KIF3B: variants seen among roughly 807,000 people sequenced by gnomAD.
KIF3B encodes kinesin-like protein KIF3B.
KIF3B carries 38 observed loss-of-function variants against 74.3 expected under a neutral mutation model. The ratio of observed to expected loss-of-function variants is 0.51; its 90% CI spans 0.39 to 0.67. The LOEUF (loss-of-function observed/expected upper bound fraction) is 0.67, where lower values mean the gene tolerates loss of function less well. KIF3B is among the 30% of genes least tolerant of loss of function. The pLI, the probability that KIF3B is intolerant of heterozygous loss-of-function variation, is 0.00. For synonymous variants in KIF3B, 326 were observed against 342.5 expected, an observed-to-expected ratio of 0.95 and a Z score of 0.53; for missense variants, 649 against 932.0, an observed-to-expected ratio of 0.70 and a Z score of 3.95.
chr20:32,325,556 T>TA (rs1218677749), intron 5 of KIF3B, among the ~76,000 whole-genome samples: 2 of 149,892 alleles, frequency 1.3e-5, no homozygotes, highest in African/African-American at 4.9e-5. Flanking sequence ...ATATGTGTTA[T>TA]AAAAAATAGT....
chr20:32,301,903 G>A (rs1011100944), intron 1 of KIF3B, among the ~76,000 whole-genome samples: 7 of 152,178 alleles, frequency 4.6e-5, no homozygotes, highest in South Asian at 4.1e-4. Context: ...TGTGACTGCC[G>A]TGACAAATGT....
intron 5 of KIF3B, among the ~76,000 whole-genome samples, chr20:32,323,048 A>ATATATT (rs1180124014): frequency 2.2e-5 from 2 of 92,870 alleles, no homozygotes; most frequent in African/African-American, 5.3e-5. Flanking sequence ...TTATATTTAT[A>ATATATT]TATATTTATA....
rs2047942708 is a variant in KIF3B at position 32,333,764 on chromosome 20, TAAGAG to T, written c.*2450_*2454del. The T allele has an allele frequency of 6.6e-6, 1 of 152,178 alleles. No homozygotes were observed. The highest frequency in any genetic ancestry group is 1.5e-5 in the Non-Finnish European group (1 of 68,052). 9.4% of individuals were successfully genotyped at this position (152,178 alleles called of 1,614,324 possible). A position where few individuals can be genotyped will look rare whatever the true frequency, so the allele number is the denominator to read the frequency against. On this transcript the variant is annotated 3_prime_UTR_variant, in exon 9 of 9. Coordinates refer to ENST00000375712, the MANE Select transcript of KIF3B (RefSeq NM_004798.4). ...GGTTAAGTGACACATAGAACTTTTC[TAAGAG>T]AAGACAGACAAGTTGACAGGCATGC...
In KIF3B at chr20:32,330,165, C is replaced by A. The variant is rs746753520; in HGVS notation, c.1993C>A (p.Leu665Met). 4.3e-6 allele frequency: 7 copies of A among 1,613,564 alleles called. No homozygotes were observed. The highest frequency in any genetic ancestry group is 5.1e-6 in the Non-Finnish European group (6 of 1,179,840). Residue 665 changes from leucine to methionine, a missense_variant, in exon 8 of 9, where the codon CTG (leucine) becomes ATG (methionine). Physicochemically the swap from Leu to Met is conservative, Grantham distance 15 (BLOSUM62 2). Around this residue, in one of 4 missense-constraint regions of KIF3B, gnomAD observed 186 missense variants for 198.5 expected, o/e 0.94. Transcript: ENST00000375712. The part of the protein sequence containing the change: ...YRAENIVLLE[L>M]DMPSRTTRDY... Reference sequence around the variant, plus strand: ...GGCAGAAAACATTGTGCTGTTAGAGCTGGACATGCCCAGCCGGACCACCAG... The same window carrying A: ...GGCAGAAAACATTGTGCTGTTAGAGATGGACATGCCCAGCCGGACCACCAG...
At chr20:32,300,666 G>A (rs1018594078) in intron 1 of KIF3B, among the ~76,000 whole-genome samples, 3 of 152,138 alleles carry the variant, frequency 2.0e-5, no homozygotes, top group East Asian at 1.9e-4. Context: ...CTCCCACCTC[G>A]GCCTCGCAGA....
chr20:32,283,665 T>G (rs187913558), intron 1 of KIF3B, among the ~76,000 whole-genome samples: 1 of 149,268 alleles, frequency 6.7e-6, no homozygotes, highest in Admixed American at 6.7e-5. Context: ...CAAAAATTAG[T>G]CGGGTGTGGT....
intron 5 of KIF3B, among the ~76,000 whole-genome samples, chr20:32,323,138 A>ATTTTTATATATT (rs1569208711): frequency 1.1e-5 from 1 of 93,500 alleles, no homozygotes; most frequent in Non-Finnish European, 1.9e-5. Context: ...ATATATTTAC[A>ATTTTTATATATT]TATATTTATA....
At chr20:32,298,398 C>T (rs1432137342) in intron 1 of KIF3B, among the ~76,000 whole-genome samples, 6 of 152,186 alleles carry the variant, frequency 3.9e-5, no homozygotes. Flanking sequence ...CCACTGCACT[C>T]CAGCCTGGGT....
In KIF3B at chr20:32,277,658, C is replaced by G; in HGVS notation, c.-173C>G. On this transcript the variant is annotated 5_prime_UTR_variant, in exon 1 of 9. Transcript: ENST00000375712. ...CTAAGGAAGTGAGCGGCCACTGTCT[C>G]TCCCCATCCGGGGCAGCGGGGAATG... is the stretch of plus-strand genomic sequence containing the variant. 4.3e-6 allele frequency: 1 copy of G among 232,412 alleles called. No individual in the cohort carries two copies. Among genetic ancestry groups the G allele is most frequent in the Non-Finnish European group, 8.0e-6 (1 of 124,320 alleles). 14.4% of individuals were successfully genotyped at this position (232,412 alleles called of 1,614,324 possible). A position where few individuals can be genotyped will look rare whatever the true frequency, so the allele number is the denominator to read the frequency against.
rs1221879114 is a variant in KIF3B, at chr20:32,334,868, A to T, written c.*3549A>T. ...TGACCTTCTCTTTGGCTACCTTTAG[A>T]CAAAGAATACGCCAATCAATACTTG... On this transcript the variant is annotated 3_prime_UTR_variant, in exon 9 of 9. Transcript: ENST00000375712. 6.6e-6 allele frequency: 1 copy of T among 152,566 alleles called. No homozygotes were observed. Among genetic ancestry groups the T allele is most frequent in the Non-Finnish European group, 1.5e-5 (1 of 68,044 alleles). 9.5% of individuals were successfully genotyped at this position (152,566 alleles called of 1,614,324 possible).
At chr20:32,291,004 A>G (rs2047688703) in intron 1 of KIF3B, among the ~76,000 whole-genome samples, 1 of 152,234 alleles carries the variant, frequency 6.6e-6, no homozygotes, top group African/African-American at 2.4e-5. Flanking sequence ...GCTGAGTGAA[A>G]TAAGCCAGTC....
At position 32,331,253 on chromosome 20, in the gene KIF3B, C is replaced by G. The variant is rs769861420; in HGVS notation, c.2178C>G (p.Ser726=). The G allele has an allele frequency of 6.2e-7, 1 of 1,613,570 alleles. No homozygotes were observed. Among genetic ancestry groups the G allele is most frequent in the Admixed American group, 1.7e-5 (1 of 59,902 alleles). Reference sequence around the variant, plus strand: ...AAAGTGGAAGGAAGTCGGGATCCTCCTCCTCTTCCTCAGGAACCCCTGCAT... The same window carrying G: ...AAAGTGGAAGGAAGTCGGGATCCTCGTCCTCTTCCTCAGGAACCCCTGCAT... ...RPKSGRKSGS[S]SSSSGTPASQ... The change falls in exon 9 of 9, where the codon TCC becomes TCG. Residue 726 remains serine (S), a synonymous_variant. Coordinates refer to ENST00000375712, the MANE Select transcript of KIF3B (RefSeq NM_004798.4).
chr20:32,290,765 G>C (rs2047687562), intron 1 of KIF3B, among the ~76,000 whole-genome samples: 1 of 151,862 alleles, frequency 6.6e-6, no homozygotes. Flanking sequence ...TGTAGTCTCA[G>C]CTACTCAAAA....
chr20:32,318,945 C>G (rs1408904080), intron 5 of KIF3B, among the ~76,000 whole-genome samples: 1 of 151,612 alleles, frequency 6.6e-6, no homozygotes, highest in East Asian at 1.9e-4. Flanking sequence ...TTTCTACCAC[C>G]AATTTCTCCA....
Position 32,315,032 on chromosome 20 carries a change from G to C in KIF3B, c.1405-1186G>C, listed in dbSNP as rs2047820268. ...AAGCCTTTGGATCCTGCCTCATCAG[G>C]GTCTCTTGGACTCATCTACTCTGCC... is the stretch of plus-strand genomic sequence containing the variant. On this transcript the variant is annotated intron_variant, in intron 2 of 8. Coordinates refer to ENST00000375712, the MANE Select transcript of KIF3B (RefSeq NM_004798.4). Among the ~76,000 whole-genome samples, 3 of 152,174 alleles carry C rather than the reference G, an allele frequency of 2.0e-5. No homozygotes were observed. The South Asian group carries it at 6.2e-4, about 32-fold the overall frequency.
intron 5 of KIF3B, among the ~76,000 whole-genome samples, chr20:32,321,947 G>T: frequency 6.6e-6 from 1 of 152,076 alleles, no homozygotes; most frequent in East Asian, 1.9e-4. Flanking sequence ...TTGCTTTATT[G>T]TGATACTTAC....
chr20:32,323,106 A>ATATATTTATATATT (rs1390460587), intron 5 of KIF3B, among the ~76,000 whole-genome samples: 1 of 114,408 alleles, frequency 8.7e-6, no homozygotes, highest in South Asian at 2.4e-4. Flanking sequence ...ATATATTTAT[A>ATATATTTATATATT]TATATTTATA....
At chr20:32,319,499 C>T (rs6087366) in intron 5 of KIF3B, among the ~76,000 whole-genome samples, 14,895 of 141,846 alleles carry the variant, frequency 0.11, 1,546 homozygotes, top group African/African-American at 0.27. Context: ...GTATATATTT[C>T]GTATATATAT....
At chr20:32,305,568 A>G (rs116853333) in intron 1 of KIF3B, among the ~76,000 whole-genome samples, 1 of 98,682 alleles carries the variant, frequency 1.0e-5, no homozygotes, top group Non-Finnish European at 2.1e-5. Context: ...ACACTCCCCC[A>G]CCTTTTTTTT....
Sources: gnomAD v4.1 joint callset for allele counts (sites outside exome capture counted in the v4.1 genomes callset) on GRCh38, gnomAD v4.1.1 for gene constraint, gnomAD v4.1.1 regional missense constraint, MANE v1.5 for transcripts, NCBI Gene and HGNC (gene_info 2026-07-23, HGNC 2026-07-21) for gene names.